The following DYM variants were observed in gnomAD, a reference collection of about 807,000 sequenced individuals.
DYM encodes dyggve-Melchior-Clausen syndrome protein.
Under a neutral mutation model 93.1 loss-of-function variants are expected in DYM, and 78 were observed. The ratio of observed to expected loss-of-function variants is 0.84; its 90% confidence interval spans 0.70 to 1.01. The LOEUF is 1.01. DYM is among the 50% of genes least tolerant of loss of function. The probability of loss-of-function intolerance (pLI) is 0.00; values close to 1 mark genes in which losing one functional copy is unlikely to be tolerated. For synonymous variants in DYM, 321 were observed against 319.7 expected (o/e 1.00, Z -0.04); for missense variants, 789 against 845.0 (o/e 0.93, Z 0.82).
In DYM at chr18:49,043,860, C is replaced by A; in HGVS notation, c.*195G>T. Reference sequence around the variant, plus strand: ...TGTATTTCCTCCCCTTTTTGCAATACTATCTACGCTGAGTTATCTATTGCC... The same window carrying A: ...TGTATTTCCTCCCCTTTTTGCAATAATATCTACGCTGAGTTATCTATTGCC... On this transcript the variant is annotated 3_prime_UTR_variant, in exon 18 of 18. Transcript: ENST00000675505. 1.5e-6 allele frequency: 1 copy of A among 656,714 alleles called. No homozygotes were observed. The highest frequency in any genetic ancestry group is 2.7e-6 in the Non-Finnish European group (1 of 375,588). The allele number at this position is 656,714 out of a possible 1,614,324, so 40.7% of individuals were successfully genotyped here.
In DYM at chr18:49,435,789, C is replaced by CA. The variant is rs1000522778; in HGVS notation, c.-53-5343dup. 3.5e-3 allele frequency among the ~76,000 whole-genome samples: 534 copies of CA among 151,434 alleles called. 3 individuals are homozygous for CA. Among genetic ancestry groups the CA allele is most frequent in the African/African-American group, 0.011 (470 of 41,284 alleles). ...GGGCAACAAGAACAACACTCCATCT[C>CA]AAAAAAAACAAAAACAAACAAACAA... is the stretch of plus-strand genomic sequence containing the variant. On this transcript the variant is annotated intron_variant, in intron 1 of 17. Transcript: ENST00000675505.
chr18:49,282,279 G>C (rs1029441746), intron 9 of DYM, 104 bp from the exon 10 acceptor site: 1 of 1,130,098 alleles, frequency 8.8e-7, no homozygotes, highest in South Asian at 1.4e-5. Flanking sequence ...TAATTTTATG[G>C]AAAGTCACTA....
intron 13 of DYM, among the ~76,000 whole-genome samples, chr18:49,210,025 T>C (rs982014446): frequency 2.6e-5 from 4 of 152,120 alleles, no homozygotes; most frequent in African/African-American, 9.7e-5. Flanking sequence ...CACAGACTAT[T>C]TGAATGGCCC....
chr18:49,368,578 C>T (rs1692161392), intron 5 of DYM: 1 of 152,150 alleles, frequency 6.6e-6, no homozygotes, highest in African/African-American at 2.4e-5. Flanking sequence ...CACCCAACCA[C>T]ATACTATACA....
At chr18:49,333,318 G>C (rs2063442991) in intron 7 of DYM, among the ~76,000 whole-genome samples, 1 of 152,188 alleles carries the variant, frequency 6.6e-6, no homozygotes, top group Admixed American at 6.5e-5. Flanking sequence ...TCAGCGAAGA[G>C]GCTGCTGGAG....
intron 1 of DYM, among the ~76,000 whole-genome samples, chr18:49,456,427 G>A (rs909104996): frequency 1.3e-5 from 2 of 152,140 alleles, no homozygotes; most frequent in African/African-American, 4.8e-5. Flanking sequence ...AGGAATAATT[G>A]TCAAGATTCA....
At chr18:49,298,017 A>G (rs2060667744) in intron 8 of DYM, among the ~76,000 whole-genome samples, 1 of 152,192 alleles carries the variant, frequency 6.6e-6, no homozygotes, top group Admixed American at 6.5e-5. Flanking sequence ...AGGAAAGGGG[A>G]AAAAAGGGTC....
At position 49,038,713 on chromosome 18, in the gene DYM, CTCTT is replaced by C. The variant is rs2070793045; in HGVS notation, c.*5338_*5341del. Among the ~76,000 whole-genome samples, 2 of 152,178 alleles carry C rather than the reference CTCTT, an allele frequency of 1.3e-5. No individual in the cohort carries two copies. Among genetic ancestry groups the C allele is most frequent in the Non-Finnish European group, 2.9e-5 (2 of 68,012 alleles). ...GTTCTGCTTTTTCTTCTTTCTTAGA[CTCTT>C]TTGCAATTCTTAAATCTTCCACTGA... On this transcript the variant is annotated 3_prime_UTR_variant, in exon 18 of 18. Coordinates refer to ENST00000675505, the MANE Select transcript of DYM (RefSeq NM_001353214.3).
intron 5 of DYM, among the ~76,000 whole-genome samples, chr18:49,375,083 G>A (rs76214992): frequency 1.2e-4 from 18 of 151,966 alleles, no homozygotes; most frequent in Non-Finnish European, 2.6e-4. Flanking sequence ...AAACTGGAGA[G>A]TTGTTTCCCC....
chr18:49,454,187 C>T (rs929195986), intron 1 of DYM, among the ~76,000 whole-genome samples: 9 of 152,086 alleles, frequency 5.9e-5, no homozygotes, highest in Non-Finnish European at 1.0e-4. Flanking sequence ...ACCCAACACC[C>T]CCTAACAGCA....
chr18:49,108,739 TTAG>T (rs2081116161), intron 16 of DYM, among the ~76,000 whole-genome samples: 1 of 152,296 alleles, frequency 6.6e-6, no homozygotes, highest in Non-Finnish European at 1.5e-5. Flanking sequence ...AAGTTGGTGG[TTAG>T]TATTGTTTGG....
At chr18:49,376,041 G>A (rs545019739) in intron 5 of DYM, among the ~76,000 whole-genome samples, 1 of 152,096 alleles carries the variant, frequency 6.6e-6, no homozygotes, top group East Asian at 1.9e-4. Flanking sequence ...CTACTTTTGA[G>A]GTTTTGGGAC....
chr18:49,070,873 T>C (rs2076826530), intron 17 of DYM, among the ~76,000 whole-genome samples: 1 of 152,190 alleles, frequency 6.6e-6, no homozygotes, highest in Non-Finnish European at 1.5e-5. Context: ...GAGAACACCA[T>C]AAATAAATAT....
intron 17 of DYM, among the ~76,000 whole-genome samples, chr18:49,076,360 A>G (rs2077307814): frequency 6.6e-6 from 1 of 152,210 alleles, no homozygotes; most frequent in African/African-American, 2.4e-5. Context: ...AAAGTAAACT[A>G]CTGAAATATG....
At chr18:49,242,818 G>A (rs6507892) in intron 13 of DYM, among the ~76,000 whole-genome samples, 98,207 of 151,916 alleles carry the variant, frequency 0.65, 32,927 homozygotes, top group Non-Finnish European at 0.74. Flanking sequence ...TCCTGCCTCA[G>A]CCTCCCGAGT....
intron 13 of DYM, among the ~76,000 whole-genome samples, chr18:49,255,544 G>T (rs935635633): frequency 6.6e-6 from 1 of 151,306 alleles, no homozygotes; most frequent in Non-Finnish European, 1.5e-5. Flanking sequence ...GTGGTGGCGT[G>T]TGCCTGTAAT....
chr18:49,258,821 C>G lies in DYM; in HGVS notation c.1252-328G>C, dbSNP rs526074. ...ACACACACACACACACACACACACA[C>G]AGAGACACACACACACACAGAGAGA... On this transcript the variant is annotated intron_variant, in intron 11 of 17. Coordinates refer to ENST00000675505, the MANE Select transcript of DYM (RefSeq NM_001353214.3). Among the ~76,000 whole-genome samples the G allele has an allele frequency of 0.69, 92,155 of 134,062 alleles. 32,850 individuals are homozygous for G. Among genetic ancestry groups the G allele is most frequent in the Non-Finnish European group, 0.75 (48,280 of 64,496 alleles). 87.9% of individuals were successfully genotyped at this position (134,062 alleles called of 152,430 possible).
chr18:49,310,463 TTACA>T (rs76752193), intron 8 of DYM, among the ~76,000 whole-genome samples: 12,152 of 152,178 alleles, frequency 0.08, 750 homozygotes, highest in East Asian at 0.3. Flanking sequence ...ATGTGTAAAA[TTACA>T]TACCTGAAGT....
At chr18:49,287,104 T>C (rs1388367716) in intron 8 of DYM, among the ~76,000 whole-genome samples, 1 of 151,904 alleles carries the variant, frequency 6.6e-6, no homozygotes, top group Non-Finnish European at 1.5e-5. Flanking sequence ...AAAGAATAGC[T>C]TGAACCTGGG....
Sources: gnomAD v4.1 joint callset for allele counts (sites outside exome capture counted in the v4.1 genomes callset) on GRCh38, gnomAD v4.1.1 for gene constraint, MANE v1.5 for transcripts, NCBI Gene and HGNC (gene_info 2026-07-23, HGNC 2026-07-21) for gene names.